The following WNK2 variants were observed in gnomAD, a reference collection of about 807,000 sequenced individuals.
WNK2 encodes WNK lysine deficient protein kinase 2.
In WNK2, 67 loss-of-function variants were observed where a neutral mutation model predicts 192.1. The observed-to-expected ratio is 0.35, with a 90% CI of 0.29 to 0.43. The LOEUF (loss-of-function observed/expected upper bound fraction) is 0.43. WNK2 is among the 20% of genes least tolerant of loss of function. WNK2 has a pLI of 1.00. For missense variants in WNK2, 2,698 were observed against 3,089.7 expected, an observed-to-expected ratio of 0.87 and a Z score of 3.01; for synonymous variants, 1,439 against 1,393.9, an observed-to-expected ratio of 1.03 and a Z score of -0.72.
At chr9:93,252,605 G>T (rs957563643) in intron 8 of WNK2, among the ~76,000 whole-genome samples, 1 of 152,320 alleles carries the variant, frequency 6.6e-6, no homozygotes, top group South Asian at 2.1e-4. Context: ...AGGCCACGGC[G>T]GGCTGGTTGT....
At position 93,257,241 on chromosome 9, in the gene WNK2, C is replaced by A; in HGVS notation, c.2382+102C>A. The A allele has an allele frequency of 7.6e-7, 1 of 1,310,090 alleles. No individual in the cohort carries two copies. Among genetic ancestry groups the A allele is most frequent in the Non-Finnish European group, 1.0e-6 (1 of 964,564 alleles). 81.2% of individuals were successfully genotyped at this position (1,310,090 alleles called of 1,614,324 possible). A position where few individuals can be genotyped will look rare whatever the true frequency, so the allele number is the denominator to read the frequency against. On this transcript the variant is annotated intron_variant, in intron 11 of 29. Transcript: ENST00000427277. This position sits in a 1 kb window ranked among gnomAD's most constrained non-coding sequence, Gnocchi z 4.7. Reference sequence around the variant, plus strand: ...CAGAGGGGGTTGTCTGTGCATGTGACCTGTGACCTGGGGTTGGGCTGGCCA... The same window carrying A: ...CAGAGGGGGTTGTCTGTGCATGTGAACTGTGACCTGGGGTTGGGCTGGCCA...
intron 2 of WNK2, among the ~76,000 whole-genome samples, chr9:93,189,338 A>C (rs1829906875): frequency 6.6e-6 from 1 of 152,080 alleles, no homozygotes; most frequent in Non-Finnish European, 1.5e-5. Context: ...GGGTCTTTCT[A>C]CTTCATAGAG....
chr9:93,283,101 A>G (rs1847965161), intron 19 of WNK2, among the ~76,000 whole-genome samples: 2 of 152,254 alleles, frequency 1.3e-5, no homozygotes, highest in South Asian at 2.1e-4. Flanking sequence ...GAATGATGAT[A>G]TGAACATCAT....
intron 19 of WNK2, among the ~76,000 whole-genome samples, chr9:93,281,384 C>G (rs1847714978): frequency 6.6e-6 from 1 of 151,640 alleles, no homozygotes; most frequent in Non-Finnish European, 1.5e-5. Context: ...AAAAAAAAAG[C>G]TAAATGGAAG....
At chr9:93,223,930 G>C (rs1367250709) in intron 2 of WNK2, among the ~76,000 whole-genome samples, 1 of 152,206 alleles carries the variant, frequency 6.6e-6, no homozygotes, top group Admixed American at 6.5e-5. Flanking sequence ...TTTTGGGTGT[G>C]AGCACTTAAG....
At chr9:93,231,243 CG>C (rs1564041503) in intron 4 of WNK2, 135 bp downstream of exon 4, 20 of 857,326 alleles carry the variant, frequency 2.3e-5, no homozygotes, top group Non-Finnish European at 1.5e-5. Context: ...ACGGGAGCCT[CG>C]GGCCAGGGTG....
chr9:93,263,827 T>TG lies in WNK2; in HGVS notation c.3580-83dup, dbSNP rs1271546339. ...GGCCGTGGCGGGGGTGTGGTGGGGG[T>TG]GGGGGGGAGGGGTACTTGGGGGTGT... On this transcript the variant is annotated intron_variant, in intron 15 of 29. Coordinates refer to ENST00000427277, the MANE Select transcript of WNK2 (RefSeq NM_006648.4). 484 of 418,390 alleles carry TG rather than the reference T, an allele frequency of 1.2e-3. 12 individuals are homozygous for TG. The highest frequency in any genetic ancestry group is 8.9e-3 in the South Asian group (417 of 46,950). The allele number at this position is 418,390 out of a possible 1,614,324, so 25.9% of individuals were successfully genotyped here.
Position 93,185,393 on chromosome 9 carries a change from A to C in WNK2, c.464A>C (p.Asp155Ala), listed in dbSNP as rs752469614. 1 of 1,600,448 alleles carries C rather than the reference A, an allele frequency of 6.2e-7. No homozygotes were observed. Among genetic ancestry groups the C allele is most frequent in the Non-Finnish European group, 8.5e-7 (1 of 1,175,196 alleles). ...EEAAATVRKE[D>A]EGAAEAKPEP... ...GCGGCGGCGACCGTGAGGAAGGAGG[A>C]TGAGGGGGCGGCCGAGGCGAAGCCT... The change falls in exon 2 of 30, where the codon GAT (aspartate) becomes GCT (alanine). Residue 155 changes from aspartate to alanine, a missense_variant. Physicochemically the swap from Asp to Ala is moderately radical, Grantham distance 126 (BLOSUM62 -2). Coordinates refer to ENST00000427277, the MANE Select transcript of WNK2 (RefSeq NM_006648.4).
At chr9:93,200,452 G>T (rs1404906706) in intron 2 of WNK2, among the ~76,000 whole-genome samples, 5 of 152,230 alleles carry the variant, frequency 3.3e-5, no homozygotes, top group Non-Finnish European at 7.3e-5. Flanking sequence ...GTGTTGGGGA[G>T]CCCAGTTGCT....
Position 93,259,924 on chromosome 9 carries a change from G to T in WNK2, c.3066+310G>T, listed in dbSNP as rs1387133114. Among the ~76,000 whole-genome samples the T allele has an allele frequency of 2.6e-5, 4 of 152,236 alleles. No homozygotes were observed. The highest frequency in any genetic ancestry group is 2.6e-4 in the Admixed American group (4 of 15,288). On this transcript the variant is annotated intron_variant, in intron 12 of 29. Transcript: ENST00000427277. This position sits in a 1 kb window ranked among gnomAD's most constrained non-coding sequence, Gnocchi z 4.8. ...TTGTACCTGCCCTCACCCAGGCCTG[G>T]TCTGGCAGCCTTGGTGTGGCTTGCG...
intron 2 of WNK2, among the ~76,000 whole-genome samples, chr9:93,223,081 A>G (rs1837204635): frequency 6.6e-6 from 1 of 152,164 alleles, no homozygotes; most frequent in South Asian, 2.1e-4. Context: ...TTAAAGAGGG[A>G]ACTTGGATTT....
In WNK2 at chr9:93,289,111, C is replaced by A. The variant is rs1192664146; in HGVS notation, c.4357C>A (p.Leu1453Ile). The A allele has an allele frequency of 1.2e-6, 2 of 1,607,210 alleles. No homozygotes were observed. The highest frequency in any genetic ancestry group is 2.2e-5 in the East Asian group (1 of 44,666). ...TGCTGTGCAGCCCCTCGTGGTGGGC[C>A]TAGCACCTTGCACTCCAGCTCCAGA... ...PLAVQPLVVG[L>I]APCTPAPEAA... is the part of the protein sequence containing the mutation. The change falls in exon 20 of 30, where the codon CTA becomes ATA. Residue 1453 changes from leucine to isoleucine, a missense_variant. By Grantham distance (5) the Leu-to-Ile change is conservative. Coordinates refer to ENST00000427277, the MANE Select transcript of WNK2 (RefSeq NM_006648.4).
intron 2 of WNK2, among the ~76,000 whole-genome samples, chr9:93,202,811 G>A (rs1832711767): frequency 1.3e-5 from 2 of 152,210 alleles, no homozygotes; most frequent in South Asian, 4.1e-4. Flanking sequence ...GGACACTGAG[G>A]CACACATAGG....
intron 28 of WNK2, among the ~76,000 whole-genome samples, chr9:93,314,515 C>T (rs902798162): frequency 5.3e-5 from 8 of 152,074 alleles, no homozygotes; most frequent in Admixed American, 4.6e-4. Context: ...GAAATACACG[C>T]TTTTTTCTTA....
intron 2 of WNK2, among the ~76,000 whole-genome samples, chr9:93,187,334 C>T (rs1467158015): frequency 6.6e-6 from 1 of 152,136 alleles, no homozygotes. Context: ...TGCTCCTTGA[C>T]TCTAGGTGGG....
At chr9:93,225,214 A>G (rs1837607963) in intron 2 of WNK2, among the ~76,000 whole-genome samples, 1 of 152,206 alleles carries the variant, frequency 6.6e-6, no homozygotes, top group Non-Finnish European at 1.5e-5. Context: ...AGCCTGGGCA[A>G]CATGGTGAGA....
Position 93,259,584 on chromosome 9 carries a change from A to G in WNK2, c.3036A>G (p.Gln1012=). 6.3e-7 allele frequency: 1 copy of G among 1,591,708 alleles called. No homozygotes were observed. The highest frequency in any genetic ancestry group is 1.7e-5 in the Admixed American group (1 of 58,938). ...PEPLQPHLPE[Q]AAPAATPGSQ... The stretch of plus-strand genomic sequence containing the variant: ...CCCTCCAGCCCCACCTTCCTGAACA[A>G]GCTGCTCCAGCTGCTACACCAGGGA... The change falls in exon 12 of 30, where the codon CAA becomes CAG. Residue 1012 remains glutamine (Q), a synonymous_variant. Transcript: ENST00000427277. The surrounding 1 kb of genome is among the most constrained non-coding windows in gnomAD (Gnocchi z 4.8).
At chr9:93,273,122 T>C (rs1459067419) in intron 19 of WNK2, among the ~76,000 whole-genome samples, 1 of 152,198 alleles carries the variant, frequency 6.6e-6, no homozygotes, top group African/African-American at 2.4e-5. Context: ...AGCAAAGAAA[T>C]TACCAGGGTT....
chr9:93,288,890 C>T lies in WNK2; in HGVS notation c.4136C>T (p.Ala1379Val), dbSNP rs1278862927. 3 of 1,609,528 alleles carry T rather than the reference C, an allele frequency of 1.9e-6. No homozygotes were observed. The highest frequency in any genetic ancestry group is 2.2e-5 in the East Asian group (1 of 44,780). ...GCGGGCCCCAGCAACCCTCCTGGGG[C>T]ACCCCCAGCCCCTTTGGCCCCCTCC... Reference protein sequence around the residue: ...SQAGPSNPPGAPPAPLAPSSP... With the variant: ...SQAGPSNPPGVPPAPLAPSSP... The change falls in exon 20 of 30, where the codon GCA (alanine) becomes GTA (valine). Residue 1379 changes from alanine to valine, a missense_variant. Ala to Val is a moderately conservative substitution (Grantham distance 64). Around this residue, in one of 7 missense-constraint regions of WNK2, gnomAD observed 1,098 missense variants for 1,101.0 expected, o/e 1.00. Coordinates refer to ENST00000427277, the MANE Select transcript of WNK2 (RefSeq NM_006648.4).
Sources: allele counts gnomAD v4.1 joint callset (sites outside exome capture counted in the v4.1 genomes callset), GRCh38; gene constraint gnomAD v4.1.1; regional missense constraint gnomAD v4.1.1; non-coding constraint Gnocchi (gnomAD v3.1); transcripts MANE v1.5; gene names NCBI Gene and HGNC (gene_info 2026-07-23, HGNC 2026-07-21).